The following GRM5 variants were observed in gnomAD, a reference collection of about 807,000 sequenced individuals.
GRM5 encodes glutamate metabotropic receptor 5.
A neutral mutation model predicts 83.1 loss-of-function variants in GRM5; 19 were observed. The observed-to-expected ratio is 0.23, with a 90% CI of 0.16 to 0.34. The LOEUF (loss-of-function observed/expected upper bound fraction) is 0.34, where lower values mean the gene tolerates loss of function less well. Among genes scored for constraint, GRM5 ranks in the 10% least tolerant of loss-of-function variants. The pLI is 1.00. For missense variants in GRM5, 1,160 were observed against 1,588.3 expected, an observed-to-expected ratio of 0.73 and a Z score of 4.58; for synonymous variants, 675 against 633.6, an observed-to-expected ratio of 1.07 and a Z score of -0.98.
chr11:88,615,548 C>T (rs1938453548), intron 4 of GRM5, among the ~76,000 whole-genome samples: 1 of 151,648 alleles, frequency 6.6e-6, no homozygotes, highest in African/African-American at 2.4e-5. Context: ...GCTGAGACAG[C>T]TCCATTGAAA....
chr11:88,662,334 C>A (rs1939928932), intron 3 of GRM5, among the ~76,000 whole-genome samples: 1 of 152,094 alleles, frequency 6.6e-6, no homozygotes, highest in Non-Finnish European at 1.5e-5. Flanking sequence ...CATAAACCTG[C>A]TAAGTAATGA....
chr11:88,598,983 G>A (rs956381502), intron 5 of GRM5, among the ~76,000 whole-genome samples: 1 of 152,178 alleles, frequency 6.6e-6, no homozygotes, highest in African/African-American at 2.4e-5. Context: ...AAGCATCAGA[G>A]CTAGGACCTA....
intron 2 of GRM5, among the ~76,000 whole-genome samples, chr11:88,914,745 T>C (rs1329841570): frequency 6.6e-6 from 1 of 152,178 alleles, no homozygotes; most frequent in East Asian, 1.9e-4. Flanking sequence ...GTCAACAATA[T>C]CCACTTTACT....
At position 89,047,563 on chromosome 11, in the gene GRM5, C is replaced by T. The variant is rs1177628572; in HGVS notation, c.310G>A (p.Val104Met). The T allele has an allele frequency of 6.2e-7, 1 of 1,614,180 alleles. No homozygotes were observed. The highest frequency in any genetic ancestry group is 1.7e-5 in the Admixed American group (1 of 60,028). ...AACTCAATGCTCTGCTCTAGGGCCA[C>T]AGCCGAATGCCAGCAGGAGTCCCTT... The part of the protein sequence containing the change: ...EIRDSCWHSA[V>M]ALEQSIEFIR... Residue 104 changes from valine to methionine, a missense_variant, in exon 2 of 10, where the codon GTG (valine) becomes ATG (methionine). Around this residue, in one of 9 missense-constraint regions of GRM5, gnomAD observed 71 missense variants for 145.8 expected, o/e 0.49. Transcript: ENST00000305447. This position sits in a 1 kb window ranked among gnomAD's most constrained non-coding sequence, Gnocchi z 5.1.
Position 88,563,685 on chromosome 11 carries a change from T to C in GRM5, c.2630+3368A>G, listed in dbSNP as rs1486131929. Among the ~76,000 whole-genome samples, 36 of 152,148 alleles carry C rather than the reference T, an allele frequency of 2.4e-4. 1 individual carries two copies. The highest frequency in any genetic ancestry group is 2.4e-3 in the Admixed American group (36 of 15,268). ...ATCCCAAGAGATGGGCTCAATAGCA[T>C]ATTAAAATTTTCAAGACTGAGAAGC... On this transcript the variant is annotated intron_variant, in intron 8 of 9. Coordinates refer to ENST00000305447, the MANE Select transcript of GRM5 (RefSeq NM_001143831.3).
chr11:88,913,541 C>T (rs1313090487), intron 2 of GRM5, among the ~76,000 whole-genome samples: 1 of 151,628 alleles, frequency 6.6e-6, no homozygotes, highest in East Asian at 1.9e-4. Flanking sequence ...TGGTTGGTCC[C>T]TCTTTTACAG....
At chr11:88,963,871 T>C (rs961503408) in intron 2 of GRM5, among the ~76,000 whole-genome samples, 1 of 152,120 alleles carries the variant, frequency 6.6e-6, no homozygotes, top group African/African-American at 2.4e-5. Context: ...GTAAAACTTG[T>C]CCTAATACTT....
chr11:88,709,090 A>G (rs1234219111), intron 3 of GRM5, among the ~76,000 whole-genome samples: 1 of 152,036 alleles, frequency 6.6e-6, no homozygotes, highest in Non-Finnish European at 1.5e-5. Context: ...GGTAAGTACT[A>G]TTTTGGAGAG....
chr11:88,644,459 T>A (rs77741264), intron 4 of GRM5, among the ~76,000 whole-genome samples: 3,817 of 152,294 alleles, frequency 0.025, 150 homozygotes, highest in African/African-American at 0.085. Context: ...ACATTTATAA[T>A]TTAATGGAGA....
chr11:88,759,911 G>C (rs1212925877), intron 3 of GRM5, among the ~76,000 whole-genome samples: 2 of 151,988 alleles, frequency 1.3e-5, no homozygotes, highest in African/African-American at 4.8e-5. Context: ...TAGAAATCAA[G>C]ACTAAGAAAT....
chr11:88,935,295 G>T (rs1937854008), intron 2 of GRM5, among the ~76,000 whole-genome samples: 1 of 151,864 alleles, frequency 6.6e-6, no homozygotes, highest in African/African-American at 2.4e-5. Flanking sequence ...TGACAAGAAT[G>T]TTTAGAATAG....
intron 8 of GRM5, among the ~76,000 whole-genome samples, chr11:88,548,374 A>G (rs1398585144): frequency 2.0e-5 from 3 of 152,202 alleles, no homozygotes; most frequent in Non-Finnish European, 4.4e-5. Context: ...ATTTATAACA[A>G]TTAATCAAAA....
intron 8 of GRM5, among the ~76,000 whole-genome samples, chr11:88,546,855 G>A (rs1049787879): frequency 6.6e-6 from 1 of 152,058 alleles, no homozygotes; most frequent in African/African-American, 2.4e-5. Flanking sequence ...AGAAGCATAA[G>A]GTTAAATTGA....
In GRM5 at chr11:88,539,200, A is replaced by G. The variant is rs562800931; in HGVS notation, c.2631-13796T>C. Among the ~76,000 whole-genome samples the G allele has an allele frequency of 8.3e-4, 126 of 152,210 alleles. 2 individuals are homozygous for G. Among genetic ancestry groups the G allele is most frequent in the South Asian group, 1.9e-3 (9 of 4,836 alleles). On this transcript the variant is annotated intron_variant, in intron 8 of 9. Coordinates refer to ENST00000305447, the MANE Select transcript of GRM5 (RefSeq NM_001143831.3). ...TTTGCTCTAAAGCTGATGGAGTATC[A>G]GGGTCCCTCACTCACAGATGCCCCT...
At chr11:88,758,265 T>A (rs1942438257) in intron 3 of GRM5, among the ~76,000 whole-genome samples, 1 of 152,076 alleles carries the variant, frequency 6.6e-6, no homozygotes, top group Non-Finnish European at 1.5e-5. Context: ...GTATTTGAAA[T>A]TGGGTAGGAA....
intron 3 of GRM5, among the ~76,000 whole-genome samples, chr11:88,660,127 G>A (rs1005424112): frequency 1.3e-5 from 2 of 152,156 alleles, no homozygotes; most frequent in African/African-American, 4.8e-5. Context: ...GCCTGAATGG[G>A]CATTGCCAGC....
chr11:88,999,706 A>G (rs1279016333), intron 2 of GRM5, among the ~76,000 whole-genome samples: 1 of 152,132 alleles, frequency 6.6e-6, no homozygotes, highest in Non-Finnish European at 1.5e-5. Context: ...TAGAACTAGA[A>G]ATTCCATTTG....
intron 2 of GRM5, among the ~76,000 whole-genome samples, chr11:88,987,484 AG>A (rs1939768120): frequency 1.3e-5 from 2 of 151,912 alleles, no homozygotes; most frequent in African/African-American, 4.8e-5. Flanking sequence ...GCAGCCAGGA[AG>A]CTCGAACTGG....
intron 1 of GRM5, among the ~76,000 whole-genome samples, chr11:89,062,344 C>G (rs1449872335): frequency 1.3e-5 from 2 of 152,214 alleles, no homozygotes; most frequent in African/African-American, 4.8e-5. Context: ...CCACAGAAAA[C>G]CCCTGCTTAT....
Sources: allele counts gnomAD v4.1 joint callset (sites outside exome capture counted in the v4.1 genomes callset), GRCh38; gene constraint gnomAD v4.1.1; regional missense constraint gnomAD v4.1.1; non-coding constraint Gnocchi (gnomAD v3.1); transcripts MANE v1.5; gene names NCBI Gene and HGNC (gene_info 2026-07-23, HGNC 2026-07-21).